The following NAV2 variants were observed in gnomAD, a reference collection of about 807,000 sequenced individuals.
NAV2 encodes helicase, APC down-regulated 1.
Under a neutral mutation model 223.2 loss-of-function variants are expected in NAV2, and 54 were observed. The ratio of observed to expected loss-of-function variants is 0.24; its 90% CI spans 0.19 to 0.30. NAV2 has a LOEUF of 0.30. NAV2 is among the 10% of genes least tolerant of loss of function. NAV2 has a pLI of 1.00. For missense variants in NAV2, 2,806 were observed against 3,147.5 expected, an observed-to-expected ratio of 0.89 and a Z score of 2.60; for synonymous variants, 1,279 against 1,239.3, an observed-to-expected ratio of 1.03 and a Z score of -0.67.
chr11:19,529,455 C>T (rs1189283690), intron 1 of NAV2, among the ~76,000 whole-genome samples: 8 of 152,240 alleles, frequency 5.3e-5, no homozygotes, highest in Non-Finnish European at 1.5e-5. Flanking sequence ...CCAATACCAT[C>T]CCAATTACAG....
At chr11:19,536,304 C>A (rs2044187396) in intron 1 of NAV2, among the ~76,000 whole-genome samples, 1 of 152,158 alleles carries the variant, frequency 6.6e-6, no homozygotes, top group Non-Finnish European at 1.5e-5. Flanking sequence ...TTTCAAAGAT[C>A]TCTCTCTGTC....
intron 8 of NAV2, among the ~76,000 whole-genome samples, chr11:19,944,848 C>A (rs1403677171): frequency 6.8e-6 from 1 of 146,914 alleles, no homozygotes; most frequent in Non-Finnish European, 1.5e-5. Flanking sequence ...GCCTTCTTGT[C>A]TTTCTGTCTT....
chr11:19,491,742 A>G (rs769153557), intron 1 of NAV2, among the ~76,000 whole-genome samples: 5 of 152,142 alleles, frequency 3.3e-5, no homozygotes, highest in Non-Finnish European at 5.9e-5. Flanking sequence ...TTTTCTTTGC[A>G]TTCACAATTT....
At chr11:19,883,165 A>G (rs992163496) in intron 5 of NAV2, among the ~76,000 whole-genome samples, 40 of 152,328 alleles carry the variant, frequency 2.6e-4, no homozygotes, top group African/African-American at 9.4e-4. Context: ...ACTATTTTGA[A>G]GCTATCTAGG....
At chr11:20,012,066 C>T (rs1339502482) in intron 11 of NAV2, among the ~76,000 whole-genome samples, 2 of 152,182 alleles carry the variant, frequency 1.3e-5, no homozygotes, top group Admixed American at 6.5e-5. Context: ...CTACCCTGAA[C>T]CATTCACATA....
intron 6 of NAV2, among the ~76,000 whole-genome samples, chr11:19,897,648 T>C (rs921854598): frequency 2.0e-5 from 3 of 152,050 alleles, no homozygotes; most frequent in Non-Finnish European, 4.4e-5. Flanking sequence ...GGTGACCAAG[T>C]ACACAGTTCA....
chr11:19,545,265 A>G (rs775922949), intron 1 of NAV2, among the ~76,000 whole-genome samples: 2 of 152,214 alleles, frequency 1.3e-5, no homozygotes, highest in Non-Finnish European at 2.9e-5. Flanking sequence ...TTGTGTCTCC[A>G]TACTGCCTCC....
chr11:19,451,954 G>A (rs1482500095), intron 1 of NAV2, among the ~76,000 whole-genome samples: 1 of 152,184 alleles, frequency 6.6e-6, no homozygotes, highest in Non-Finnish European at 1.5e-5. Context: ...TATCCTAAGT[G>A]GGAGAGGAGG....
intron 1 of NAV2, among the ~76,000 whole-genome samples, chr11:19,573,703 T>C (rs933758774): frequency 3.9e-5 from 6 of 152,212 alleles, no homozygotes; most frequent in Non-Finnish European, 7.4e-5. Flanking sequence ...GCCTGAGGAC[T>C]GTGCTTTCTT....
At chr11:20,099,108 C>A (rs1326338883) in intron 31 of NAV2, among the ~76,000 whole-genome samples, 7 of 152,180 alleles carry the variant, frequency 4.6e-5, no homozygotes, top group African/African-American at 1.7e-4. Context: ...TTTGTCCGAG[C>A]CTGGGCACCA....
intron 22 of NAV2, among the ~76,000 whole-genome samples, chr11:20,072,373 C>T (rs901119268): frequency 5.3e-5 from 8 of 152,092 alleles, no homozygotes; most frequent in Admixed American, 5.2e-4. Flanking sequence ...AGTGTGATGT[C>T]TCCAGCTTTG....
At chr11:19,535,456 C>T (rs2044157738) in intron 1 of NAV2, among the ~76,000 whole-genome samples, 2 of 152,114 alleles carry the variant, frequency 1.3e-5, no homozygotes, top group Non-Finnish European at 2.9e-5. Flanking sequence ...GAAGATGCAG[C>T]CAGCTTTGCA....
chr11:19,424,650 G>A lies in NAV2; in HGVS notation c.75+73623G>A, dbSNP rs567106784. 2.0e-5 allele frequency among the ~76,000 whole-genome samples: 3 copies of A among 152,298 alleles called. No homozygotes were observed. The South Asian group carries it at 6.2e-4, about 32-fold the overall frequency. ...TGCAACCTCCACCTCCTGGGTTCAA[G>A]TGATTCTCCTGCCTCAGCCTCCTGA... is the stretch of plus-strand genomic sequence containing the variant. On this transcript the variant is annotated intron_variant, in intron 1 of 37. Transcript: ENST00000360655.
chr11:19,775,587 C>G (rs1243292144), intron 1 of NAV2, among the ~76,000 whole-genome samples: 2 of 152,088 alleles, frequency 1.3e-5, no homozygotes, highest in Non-Finnish European at 2.9e-5. Flanking sequence ...TCTAGTGGGA[C>G]AAGGCAGAAA....
At chr11:19,823,639 C>T (rs1185498616) in intron 1 of NAV2, among the ~76,000 whole-genome samples, 2 of 152,216 alleles carry the variant, frequency 1.3e-5, no homozygotes, top group African/African-American at 4.8e-5. Flanking sequence ...CTGTGCCCAG[C>T]TTATACAGTT....
At chr11:19,642,224 C>A (rs1156461568) in intron 1 of NAV2, among the ~76,000 whole-genome samples, 1 of 152,156 alleles carries the variant, frequency 6.6e-6, no homozygotes, top group African/African-American at 2.4e-5. Flanking sequence ...AAGTCCCAGC[C>A]AGCCCCACCC....
intron 1 of NAV2, among the ~76,000 whole-genome samples, chr11:19,526,679 G>C (rs1425329811): frequency 6.6e-6 from 1 of 152,070 alleles, no homozygotes; most frequent in Non-Finnish European, 1.5e-5. Flanking sequence ...AGAGTCCCCA[G>C]GATGGCTGGG....
At chr11:19,434,403 A>C (rs1728426937) in intron 1 of NAV2, among the ~76,000 whole-genome samples, 1 of 152,212 alleles carries the variant, frequency 6.6e-6, no homozygotes, top group African/African-American at 2.4e-5. Flanking sequence ...CATATGTCAG[A>C]ATGGCCAATG....
intron 1 of NAV2, among the ~76,000 whole-genome samples, chr11:19,426,103 T>C (rs1393886824): frequency 6.6e-6 from 1 of 152,158 alleles, no homozygotes; most frequent in Admixed American, 6.5e-5. Context: ...TGAGTTGTGG[T>C]GAAAGGAGAC....
Sources: allele counts gnomAD v4.1 joint callset (sites outside exome capture counted in the v4.1 genomes callset), GRCh38; gene constraint gnomAD v4.1.1; transcripts MANE v1.5; gene names NCBI Gene and HGNC (gene_info 2026-07-23, HGNC 2026-07-21).